SMAP1: variants seen among roughly 807,000 people sequenced by gnomAD.
The protein encoded by SMAP1 is small ArfGAP 1, also known as stromal membrane-associated protein 1.
In SMAP1, 24 loss-of-function variants were observed where a neutral mutation model predicts 58.5. That is an observed-to-expected ratio of 0.41 (90% CI 0.30 to 0.58). The LOEUF is 0.58. Ranked by LOEUF, SMAP1 falls within the 20% of genes least tolerant of loss-of-function variation. The pLI, the probability that SMAP1 is intolerant of heterozygous loss-of-function variation, is 0.29. For missense variants in SMAP1, 563 were observed against 566.3 expected, an observed-to-expected ratio of 0.99 and a Z score of 0.06; for synonymous variants, 216 against 196.6, an observed-to-expected ratio of 1.10 and a Z score of -0.82.
intron 1 of SMAP1, among the ~76,000 whole-genome samples, chr6:70,695,644 A>C (rs904148784): frequency 1.3e-5 from 2 of 152,202 alleles, no homozygotes; most frequent in African/African-American, 4.8e-5. Context: ...CCACTTGGTC[A>C]TGATGAATGA....
At chr6:70,703,397 A>G (rs1767715599) in intron 1 of SMAP1, among the ~76,000 whole-genome samples, 1 of 152,132 alleles carries the variant, frequency 6.6e-6, no homozygotes, top group African/African-American at 2.4e-5. Context: ...TGAATGCTAG[A>G]TATGGGAATT....
At chr6:70,855,891 C>T (rs1371526836) in intron 8 of SMAP1, among the ~76,000 whole-genome samples, 3 of 152,200 alleles carry the variant, frequency 2.0e-5, no homozygotes, top group African/African-American at 7.2e-5. Context: ...AATTAAGCGG[C>T]TTTTTGTCGC....
intron 1 of SMAP1, among the ~76,000 whole-genome samples, chr6:70,697,050 C>G (rs1472916608): frequency 6.6e-6 from 1 of 152,148 alleles, no homozygotes; most frequent in East Asian, 1.9e-4. Context: ...GCTACTCCTG[C>G]TCTTTTTTGA....
At chr6:70,845,925 G>A (rs1166753299) in intron 7 of SMAP1, among the ~76,000 whole-genome samples, 2 of 152,150 alleles carry the variant, frequency 1.3e-5, no homozygotes, top group Non-Finnish European at 2.9e-5. Flanking sequence ...CCTGGTGTAG[G>A]GATTCTAGTT....
intron 2 of SMAP1, among the ~76,000 whole-genome samples, chr6:70,735,137 GA>G (rs1159178510): frequency 6.6e-5 from 10 of 152,088 alleles, no homozygotes; most frequent in Non-Finnish European, 1.5e-4. Flanking sequence ...ACCAAAAAAA[GA>G]AAAAACTTGA....
intron 2 of SMAP1, among the ~76,000 whole-genome samples, chr6:70,736,906 C>A (rs1765639631): frequency 6.6e-6 from 1 of 152,162 alleles, no homozygotes; most frequent in Non-Finnish European, 1.5e-5. Context: ...TATTTTACTT[C>A]CATCCTAAGA....
chr6:70,715,731 CTATTT>C (rs1488136265), intron 1 of SMAP1, among the ~76,000 whole-genome samples: 4 of 152,004 alleles, frequency 2.6e-5, no homozygotes, highest in African/African-American at 9.7e-5. Context: ...CACTTTATTT[CTATTT>C]TATTTTATTT....
intron 5 of SMAP1, among the ~76,000 whole-genome samples, chr6:70,793,404 G>A (rs1768453953): frequency 6.6e-6 from 1 of 152,136 alleles, no homozygotes; most frequent in South Asian, 2.1e-4. Flanking sequence ...TCTTGTGGAG[G>A]TGCTTTGGGA....
intron 4 of SMAP1, among the ~76,000 whole-genome samples, chr6:70,790,601 AATT>A (rs1375644033): frequency 2.0e-5 from 3 of 152,076 alleles, no homozygotes; most frequent in African/African-American, 7.2e-5. Flanking sequence ...TAGCTTACAC[AATT>A]ATAACAGAGC....
chr6:70,729,459 T>TTTTGTGTG (rs1491434129), intron 1 of SMAP1, among the ~76,000 whole-genome samples: 5 of 128,168 alleles, frequency 3.9e-5, no homozygotes, highest in African/African-American at 8.8e-5. Context: ...AAAAAGAAGG[T>TTTTGTGTG]TGTGTGTGTG....
At chr6:70,852,204 AG>A (rs1410618929) in intron 7 of SMAP1, among the ~76,000 whole-genome samples, 1 of 152,174 alleles carries the variant, frequency 6.6e-6, no homozygotes, top group African/African-American at 2.4e-5. Context: ...TACCCAGAAC[AG>A]TGCCTGGCAT....
intron 1 of SMAP1, among the ~76,000 whole-genome samples, chr6:70,712,409 C>T (rs1193357750): frequency 6.6e-6 from 1 of 152,192 alleles, no homozygotes; most frequent in Non-Finnish European, 1.5e-5. Flanking sequence ...CTTGTGGCAT[C>T]TTTGTCCAGC....
chr6:70,740,590 A>G (rs117202593), intron 2 of SMAP1, among the ~76,000 whole-genome samples: 2,019 of 151,962 alleles, frequency 0.013, 19 homozygotes, highest in Non-Finnish European at 0.021. Flanking sequence ...GTCCTGCTCA[A>G]TTTTGAGTCA....
chr6:70,779,452 G>A (rs769674155), intron 4 of SMAP1, among the ~76,000 whole-genome samples: 4 of 152,106 alleles, frequency 2.6e-5, no homozygotes, highest in Non-Finnish European at 4.4e-5. Flanking sequence ...GTTTAGTTGC[G>A]TGGACTCCAG....
At chr6:70,783,221 A>G (rs534390048) in intron 4 of SMAP1, among the ~76,000 whole-genome samples, 14 of 152,350 alleles carry the variant, frequency 9.2e-5, no homozygotes, top group African/African-American at 2.4e-4. Flanking sequence ...GCAAACTCCA[A>G]CAGACCTGCA....
intron 6 of SMAP1, among the ~76,000 whole-genome samples, chr6:70,804,535 C>T (rs973799420): frequency 1.3e-4 from 20 of 152,090 alleles, no homozygotes; most frequent in Non-Finnish European, 4.4e-5. Context: ...GAGATCCTGT[C>T]ATTATGATGT....
rs576472498 is a variant in SMAP1 at position 70,801,482 on chromosome 6, G to A, written c.576+2745G>A. Among the ~76,000 whole-genome samples, 3 of 152,174 alleles carry A rather than the reference G, an allele frequency of 2.0e-5. No individual in the cohort carries two copies. The South Asian group carries it at 6.2e-4, about 32-fold the overall frequency. ...TTTAGGTTGCCTGTTCATGCTGATGGTAGTTTCTTTTGCCATGCAGAAGCT... is the reference window on the plus strand; with the variant it reads ...TTTAGGTTGCCTGTTCATGCTGATGATAGTTTCTTTTGCCATGCAGAAGCT... On this transcript the variant is annotated intron_variant, in intron 6 of 10. Transcript: ENST00000370455.
intron 4 of SMAP1, among the ~76,000 whole-genome samples, chr6:70,785,755 G>T (rs1485885316): frequency 6.6e-6 from 1 of 152,204 alleles, no homozygotes; most frequent in Non-Finnish European, 1.5e-5. Context: ...AAACCAGGAA[G>T]AAGTTGACTC....
intron 1 of SMAP1, among the ~76,000 whole-genome samples, chr6:70,706,720 G>A (rs1223825533): frequency 6.6e-6 from 1 of 152,098 alleles, no homozygotes; most frequent in Non-Finnish European, 1.5e-5. Context: ...ACCAGATGGC[G>A]CTCTCTATTA....
Sources: allele counts gnomAD v4.1 joint callset (sites outside exome capture counted in the v4.1 genomes callset), GRCh38; gene constraint gnomAD v4.1.1; transcripts MANE v1.5; gene names NCBI Gene and HGNC (gene_info 2026-07-23, HGNC 2026-07-21).